The following ARMC3 variants were observed in gnomAD, a reference collection of about 807,000 sequenced individuals.
ARMC3 encodes armadillo repeat-containing protein 3.
A neutral mutation model predicts 90.3 loss-of-function variants in ARMC3; 74 were observed. The observed-to-expected ratio is 0.82, with a 90% CI of 0.68 to 0.99. ARMC3 has a LOEUF of 0.99. Ranked by LOEUF, ARMC3 falls within the 50% of genes least tolerant of loss-of-function variation. The pLI is 0.00. For missense variants in ARMC3, 958 were observed against 1,042.8 expected, an observed-to-expected ratio of 0.92 and a Z score of 1.12; for synonymous variants, 334 against 361.8, an observed-to-expected ratio of 0.92 and a Z score of 0.87.
Position 23,013,328 on chromosome 10 carries a change from A to G in ARMC3, c.2045+4397A>G, listed in dbSNP as rs1838108245. 2.0e-5 allele frequency among the ~76,000 whole-genome samples: 3 copies of G among 152,270 alleles called. No individual in the cohort carries two copies. In the South Asian group the frequency reaches 6.2e-4, roughly 32 times the overall value. On this transcript the variant is annotated intron_variant, in intron 16 of 18. Transcript: ENST00000298032. Reference sequence around the variant, plus strand: ...GGAATAGCCTTGCTTGTTTTGTGGCAAGTTCCTATTCATTCTTTATTTTCT... The same window carrying G: ...GGAATAGCCTTGCTTGTTTTGTGGCGAGTTCCTATTCATTCTTTATTTTCT...
chr10:22,955,671 T>C (rs1200117154), intron 3 of ARMC3, 136 bp from the exon 4 acceptor site: 1 of 1,065,782 alleles, frequency 9.4e-7, no homozygotes, highest in East Asian at 2.6e-5. Context: ...TTGAAGTTTA[T>C]TCTGAGGGAA....
chr10:23,003,904 T>C (rs1837448070), intron 13 of ARMC3, among the ~76,000 whole-genome samples: 1 of 151,862 alleles, frequency 6.6e-6, no homozygotes, highest in Non-Finnish European at 1.5e-5. Context: ...TCCCAGAACT[T>C]TGGGAGTCTG....
At chr10:22,941,897 C>T (rs1475485668) in intron 2 of ARMC3, among the ~76,000 whole-genome samples, 3 of 152,064 alleles carry the variant, frequency 2.0e-5, no homozygotes, top group African/African-American at 7.3e-5. Flanking sequence ...CAGTGAGGCC[C>T]TCTCAATTGC....
chr10:23,016,509 A>G (rs1437966729), intron 16 of ARMC3, among the ~76,000 whole-genome samples: 1 of 152,222 alleles, frequency 6.6e-6, no homozygotes, highest in Admixed American at 6.5e-5. Context: ...TTTCTGCAGG[A>G]GAGGTAAAAG....
chr10:23,027,381 G>C (rs780167687), intron 16 of ARMC3, among the ~76,000 whole-genome samples: 1 of 152,066 alleles, frequency 6.6e-6, no homozygotes, highest in East Asian at 1.9e-4. Flanking sequence ...ATTTTATTTG[G>C]AGCAATTGTA....
chr10:22,929,503 C>T (rs980436788), intron 1 of ARMC3, among the ~76,000 whole-genome samples: 1 of 152,222 alleles, frequency 6.6e-6, no homozygotes, highest in South Asian at 2.1e-4. Flanking sequence ...GCTGTTCAGT[C>T]TCTCCTCCAT....
chr10:23,033,166 T>A, intron 18 of ARMC3, 143 bp downstream of exon 18: 1 of 742,648 alleles, frequency 1.3e-6, no homozygotes, highest in Non-Finnish European at 2.1e-6. Flanking sequence ...TAAGTGTATA[T>A]ATACTTATAT....
intron 10 of ARMC3, among the ~76,000 whole-genome samples, chr10:22,997,746 A>G (rs952027391): frequency 6.6e-6 from 1 of 152,202 alleles, no homozygotes; most frequent in Non-Finnish European, 1.5e-5. Flanking sequence ...AAAACTTTCT[A>G]AGAATTTTAT....
chr10:22,983,273 C>G (rs1479152293), intron 10 of ARMC3, among the ~76,000 whole-genome samples: 1 of 152,024 alleles, frequency 6.6e-6, no homozygotes, highest in Non-Finnish European at 1.5e-5. Context: ...ACATTTTTTG[C>G]TTTATTTTAC....
chr10:22,980,580 T>G (rs1038313381), intron 8 of ARMC3, among the ~76,000 whole-genome samples: 1 of 152,078 alleles, frequency 6.6e-6, no homozygotes, highest in Non-Finnish European at 1.5e-5. Flanking sequence ...AATGCAGTAT[T>G]TACGTTAGTA....
intron 16 of ARMC3, among the ~76,000 whole-genome samples, chr10:23,011,428 C>T (rs754560326): frequency 4.6e-5 from 7 of 152,166 alleles, no homozygotes; most frequent in East Asian, 1.9e-4. Flanking sequence ...AAATGCTTAG[C>T]GCGGTGCCTG....
intron 2 of ARMC3, among the ~76,000 whole-genome samples, chr10:22,933,440 T>C (rs961297698): frequency 1.3e-5 from 2 of 152,154 alleles, no homozygotes; most frequent in Non-Finnish European, 2.9e-5. Flanking sequence ...TTGCTGATAT[T>C]GTCCTCTGGA....
chr10:22,961,935 T>G lies in ARMC3; in HGVS notation c.589T>G (p.Leu197Val), dbSNP rs200269169. The stretch of plus-strand genomic sequence containing the variant: ...AGAACTAAATGCAATACCTCCTATC[T>G]TAGATCTCTTGAAGTCAGAATATCC... ...LQELNAIPPI[L>V]DLLKSEYPVI... The change falls in exon 7 of 19, where the codon TTA becomes GTA. Residue 197 changes from leucine (L) to valine (V), a missense_variant. By Grantham distance (32) the Leu-to-Val change is conservative. Transcript: ENST00000298032. 4.1e-5 allele frequency: 66 copies of G among 1,611,766 alleles called. No individual in the cohort carries two copies. Among genetic ancestry groups the G allele is most frequent in the Non-Finnish European group, 5.4e-5 (64 of 1,179,332 alleles).
At chr10:22,946,056 A>AT in intron 2 of ARMC3, 88 bp from the exon 3 acceptor site, 1 of 953,142 alleles carries the variant, frequency 1.0e-6, no homozygotes, top group Non-Finnish European at 1.6e-6. Flanking sequence ...GCAAGATTAC[A>AT]TTTTCTTTAA....
intron 10 of ARMC3, among the ~76,000 whole-genome samples, chr10:22,990,165 TCC>T (rs35072884): frequency 1.3e-5 from 2 of 150,976 alleles, no homozygotes; most frequent in African/African-American, 2.5e-5. Flanking sequence ...TTGTGTGATT[TCC>T]CCCCCCCACT....
intron 2 of ARMC3, 37 bp downstream of exon 2, chr10:22,932,081 A>G (rs771662972): frequency 1.3e-6 from 2 of 1,536,482 alleles, no homozygotes; most frequent in Middle Eastern, 1.7e-4. Context: ...GCACTTTAAC[A>G]ACCAGTTATA....
At chr10:23,033,608 G>A (rs564364271) in intron 18 of ARMC3, among the ~76,000 whole-genome samples, 3 of 152,148 alleles carry the variant, frequency 2.0e-5, no homozygotes, top group Admixed American at 6.5e-5. Flanking sequence ...AGATCATAAC[G>A]CATCATGTAA....
chr10:23,019,092 G>A (rs1414152702), intron 16 of ARMC3, among the ~76,000 whole-genome samples: 1 of 152,146 alleles, frequency 6.6e-6, no homozygotes, highest in Non-Finnish European at 1.5e-5. Flanking sequence ...CCTTGCCAAG[G>A]CACAAATGAC....
At chr10:23,033,115 T>C in intron 18 of ARMC3, 92 bp downstream of exon 18, 1 of 1,220,968 alleles carries the variant, frequency 8.2e-7, no homozygotes, top group Non-Finnish European at 1.2e-6. Flanking sequence ...TTTAACTGGA[T>C]ATTATTAATT....
Sources: gnomAD v4.1 joint callset for allele counts (sites outside exome capture counted in the v4.1 genomes callset) on GRCh38, gnomAD v4.1.1 for gene constraint, MANE v1.5 for transcripts, NCBI Gene and HGNC (gene_info 2026-07-23, HGNC 2026-07-21) for gene names.